Variants in CFAP77 observed in about 807,000 individuals in gnomAD.
CFAP77 encodes cilia and flagella associated protein 77.
A neutral mutation model predicts 31.1 loss-of-function variants in CFAP77; 25 were observed. That is an observed-to-expected ratio of 0.80 (90% CI 0.59 to 1.12). The LOEUF (loss-of-function observed/expected upper bound fraction) is 1.12. CFAP77 is among the 50% of genes most tolerant of loss of function. The pLI is 0.00. For missense variants in CFAP77, 377 were observed against 397.3 expected, an observed-to-expected ratio of 0.95 and a Z score of 0.44; for synonymous variants, 151 against 159.9, an observed-to-expected ratio of 0.94 and a Z score of 0.42.
intron 1 of CFAP77, among the ~76,000 whole-genome samples, chr9:132,429,767 A>C (rs1850380474): frequency 6.6e-6 from 1 of 151,498 alleles, no homozygotes; most frequent in Non-Finnish European, 1.5e-5. Context: ...GAGGCAGGAG[A>C]ATGGTGTGAA....
chr9:132,530,598 T>TG (rs1018122762), intron 3 of CFAP77, among the ~76,000 whole-genome samples: 2 of 152,084 alleles, frequency 1.3e-5, no homozygotes, highest in African/African-American at 4.8e-5. Flanking sequence ...TGGGATTGTT[T>TG]GGGGGTTTTT....
chr9:132,558,740 C>T (rs1043993228), intron 5 of CFAP77, among the ~76,000 whole-genome samples: 13 of 146,248 alleles, frequency 8.9e-5, no homozygotes, highest in Admixed American at 3.4e-4. Context: ...AGGACGGGTG[C>T]GGTGGCTCAC....
At chr9:132,503,905 C>T (rs1589891755) in intron 3 of CFAP77, among the ~76,000 whole-genome samples, 1 of 152,128 alleles carries the variant, frequency 6.6e-6, no homozygotes, top group South Asian at 2.1e-4. Flanking sequence ...AAAAATGAGT[C>T]GGGCGTGGTG....
At chr9:132,450,321 G>A (rs536377676) in intron 1 of CFAP77, among the ~76,000 whole-genome samples, 1 of 152,220 alleles carries the variant, frequency 6.6e-6, no homozygotes, top group Admixed American at 6.5e-5. Context: ...CAGGGAGAAG[G>A]ATGCAATGTG....
At chr9:132,486,196 C>T (rs961004590) in intron 1 of CFAP77, among the ~76,000 whole-genome samples, 3 of 144,566 alleles carry the variant, frequency 2.1e-5, no homozygotes, top group Admixed American at 7.0e-5. Context: ...GGGTTCGTGC[C>T]GTTCTCCTGC....
At chr9:132,558,475 C>T (rs1168659614) in intron 5 of CFAP77, among the ~76,000 whole-genome samples, 2 of 151,140 alleles carry the variant, frequency 1.3e-5, no homozygotes, top group African/African-American at 2.4e-5. Flanking sequence ...GAGGCAGAGG[C>T]GGGAGGATCA....
chr9:132,478,377 T>TC (rs1851386362), intron 1 of CFAP77, among the ~76,000 whole-genome samples: 1 of 149,512 alleles, frequency 6.7e-6, no homozygotes, highest in South Asian at 2.1e-4. Flanking sequence ...GACGCGGCAC[T>TC]GGTTCCCCCC....
intron 3 of CFAP77, among the ~76,000 whole-genome samples, chr9:132,515,998 G>A (rs951313628): frequency 1.3e-5 from 2 of 152,180 alleles, no homozygotes; most frequent in Non-Finnish European, 2.9e-5. Context: ...GCCTGCAGAG[G>A]CCTGGCAGAT....
Position 132,517,864 on chromosome 9 carries a change from C to G in CFAP77, c.524+18264C>G, listed in dbSNP as rs1019242973. On this transcript the variant is annotated intron_variant, in intron 3 of 5. Transcript: ENST00000393216. This position sits in a 1 kb window ranked among gnomAD's most constrained non-coding sequence, Gnocchi z 4.7. Reference sequence around the variant, plus strand: ...GAGATCAACCCCTGGTCTGGGGTATCAATCGCGGAGCAGTCAGGATGGGTT... The same window carrying G: ...GAGATCAACCCCTGGTCTGGGGTATGAATCGCGGAGCAGTCAGGATGGGTT... Among the ~76,000 whole-genome samples, 1 of 152,228 alleles carries G rather than the reference C, an allele frequency of 6.6e-6. No individual in the cohort carries two copies. The highest frequency in any genetic ancestry group is 1.5e-5 in the Non-Finnish European group (1 of 68,044).
intron 1 of CFAP77, among the ~76,000 whole-genome samples, chr9:132,425,535 G>A (rs1850298844): frequency 6.6e-6 from 1 of 152,134 alleles, no homozygotes; most frequent in Admixed American, 6.5e-5. Flanking sequence ...GAAGCGTGAT[G>A]CCTTTGGGGA....
At chr9:132,540,176 C>A (rs1852616609) in intron 4 of CFAP77, among the ~76,000 whole-genome samples, 1 of 152,052 alleles carries the variant, frequency 6.6e-6, no homozygotes, top group Non-Finnish European at 1.5e-5. Context: ...GTGATCCACC[C>A]ACCTCAGCCT....
At chr9:132,433,105 C>T (rs1850441707) in intron 1 of CFAP77, among the ~76,000 whole-genome samples, 1 of 152,186 alleles carries the variant, frequency 6.6e-6, no homozygotes, top group African/African-American at 2.4e-5. Context: ...CCACCTTGGC[C>T]TCCCAAAGTG....
rs150707747 is a variant in CFAP77 at position 132,424,722 on chromosome 9, G to A, written c.195+14256G>A. 1.6e-4 allele frequency among the ~76,000 whole-genome samples: 24 copies of A among 152,274 alleles called. No homozygotes were observed. The East Asian group carries it at 2.7e-3, about 17-fold the overall frequency. ...CTCGGGATAAAGACGCATAGATACC[G>A]GGTTTCCCACGGATGTTGGATTTCA... On this transcript the variant is annotated intron_variant, in intron 1 of 5. Coordinates refer to ENST00000393216, the MANE Select transcript of CFAP77 (RefSeq NM_001282957.2). The surrounding 1 kb of genome is among the most constrained non-coding windows in gnomAD (Gnocchi z 4.1).
At chr9:132,468,295 G>A (rs749856159) in intron 1 of CFAP77, among the ~76,000 whole-genome samples, 14 of 152,106 alleles carry the variant, frequency 9.2e-5, no homozygotes, top group East Asian at 1.9e-4. Context: ...GCAGCGAGCC[G>A]AGGTTGCGCC....
chr9:132,456,124 C>T (rs1048483909), intron 1 of CFAP77, among the ~76,000 whole-genome samples: 4 of 152,144 alleles, frequency 2.6e-5, no homozygotes, highest in Non-Finnish European at 4.4e-5. Flanking sequence ...CTCCGTTGAA[C>T]GAGACAGGTG....
chr9:132,473,266 G>A (rs530372861), intron 1 of CFAP77, among the ~76,000 whole-genome samples: 1 of 152,312 alleles, frequency 6.6e-6, no homozygotes, highest in African/African-American at 2.4e-5. Context: ...TTCAACACGA[G>A]GCTTGGGGGA....
intron 5 of CFAP77, among the ~76,000 whole-genome samples, chr9:132,547,770 C>T (rs1852757471): frequency 6.6e-6 from 1 of 152,226 alleles, no homozygotes; most frequent in South Asian, 2.1e-4. Context: ...GCGGAAGCCA[C>T]TCCCATAACA....
intron 1 of CFAP77, among the ~76,000 whole-genome samples, chr9:132,428,342 C>A (rs1057069266): frequency 2.0e-5 from 3 of 151,500 alleles, no homozygotes; most frequent in African/African-American, 7.3e-5. Context: ...TGCAAGGAGC[C>A]GGGCACAGTG....
intron 4 of CFAP77, among the ~76,000 whole-genome samples, chr9:132,541,899 C>T (rs1043323475): frequency 3.3e-5 from 5 of 151,936 alleles, no homozygotes; most frequent in Non-Finnish European, 7.3e-5. Flanking sequence ...GGAGGTGACG[C>T]GGAAGGTTTA....
Sources: allele counts gnomAD v4.1 joint callset (sites outside exome capture counted in the v4.1 genomes callset), GRCh38; gene constraint gnomAD v4.1.1; non-coding constraint Gnocchi (gnomAD v3.1); transcripts MANE v1.5; gene names NCBI Gene and HGNC (gene_info 2026-07-23, HGNC 2026-07-21).